The following CNKSR3 variants were observed in gnomAD, a reference collection of about 807,000 sequenced individuals.
CNKSR3 encodes connector enhancer of kinase suppressor of ras 3.
A neutral mutation model predicts 67.7 loss-of-function variants in CNKSR3; 36 were observed. The observed-to-expected ratio is 0.53, with a 90% CI of 0.41 to 0.70. The LOEUF (loss-of-function observed/expected upper bound fraction) is 0.70. Among genes scored for constraint, CNKSR3 ranks in the 30% least tolerant of loss-of-function variants. The pLI is 0.00. For synonymous variants in CNKSR3, 281 were observed against 271.4 expected (o/e 1.04, Z -0.35); for missense variants, 630 against 695.2 (o/e 0.91, Z 1.05).
intron 4 of CNKSR3, among the ~76,000 whole-genome samples, chr6:154,440,394 C>G (rs1285687420): frequency 6.6e-6 from 1 of 152,200 alleles, no homozygotes; most frequent in East Asian, 1.9e-4. Flanking sequence ...AAACAACAAG[C>G]TCTTCCTTAC....
intron 1 of CNKSR3, among the ~76,000 whole-genome samples, chr6:154,486,222 C>T (rs1582897508): frequency 6.6e-6 from 1 of 152,064 alleles, no homozygotes. Flanking sequence ...CATTTAAGAA[C>T]TCACTTACCA....
intron 2 of CNKSR3, among the ~76,000 whole-genome samples, chr6:154,449,870 C>T (rs1785785497): frequency 6.6e-6 from 1 of 152,140 alleles, no homozygotes; most frequent in South Asian, 2.1e-4. Context: ...ACTTTATTTA[C>T]AAAAATAGAT....
At chr6:154,485,178 C>T (rs957452113) in intron 1 of CNKSR3, among the ~76,000 whole-genome samples, 1 of 152,196 alleles carries the variant, frequency 6.6e-6, no homozygotes, top group African/African-American at 2.4e-5. Context: ...TCACATCTCC[C>T]TACACAGAGT....
At position 154,397,850 on chromosome 6, in the gene CNKSR3, G is replaced by A. The variant is rs542339645; in HGVS notation, c.*8504C>T. Reference sequence around the variant, plus strand: ...GGAAGATGAGTAAAAGCAAATCTGCGGCCATCACTAGGTGCACAGTGCAGT... The same window carrying A: ...GGAAGATGAGTAAAAGCAAATCTGCAGCCATCACTAGGTGCACAGTGCAGT... On this transcript the variant is annotated 3_prime_UTR_variant, in exon 13 of 13. Transcript: ENST00000607772. 56 of 152,280 alleles carry A rather than the reference G, an allele frequency of 3.7e-4. No homozygotes were observed. The highest frequency in any genetic ancestry group is 1.3e-3 in the African/African-American group (55 of 41,504). The allele number at this position is 152,280 out of a possible 1,614,324, so 9.4% of individuals were successfully genotyped here.
intron 9 of CNKSR3, among the ~76,000 whole-genome samples, chr6:154,420,008 G>A (rs1372234739): frequency 6.6e-6 from 1 of 152,248 alleles, no homozygotes; most frequent in East Asian, 1.9e-4. Flanking sequence ...CTTGAACCTG[G>A]GAGGTGGAGG....
At chr6:154,481,081 C>A (rs2114638822) in intron 1 of CNKSR3, among the ~76,000 whole-genome samples, 1 of 150,452 alleles carries the variant, frequency 6.6e-6, no homozygotes, top group African/African-American at 2.4e-5. Flanking sequence ...CAGTCTTATG[C>A]TTATTCGATA....
At chr6:154,478,929 A>G (rs1335974917) in intron 1 of CNKSR3, among the ~76,000 whole-genome samples, 2 of 152,226 alleles carry the variant, frequency 1.3e-5, no homozygotes, top group Non-Finnish European at 2.9e-5. Context: ...GCTGGCCACA[A>G]TGAAAGCAGC....
At chr6:154,501,709 G>A (rs1786998951) in intron 1 of CNKSR3, among the ~76,000 whole-genome samples, 1 of 152,002 alleles carries the variant, frequency 6.6e-6, no homozygotes, top group Admixed American at 6.6e-5. Flanking sequence ...TCACCTCTCT[G>A]CTTTATTTTC....
At chr6:154,507,211 AT>A (rs1230747179) in intron 1 of CNKSR3, among the ~76,000 whole-genome samples, 1 of 152,250 alleles carries the variant, frequency 6.6e-6, no homozygotes, top group African/African-American at 2.4e-5. Context: ...GTAGCTAAAC[AT>A]TAATAATAAA....
chr6:154,510,587 A>C lies in CNKSR3; in HGVS notation c.-473T>G, dbSNP rs1582912981. 4 of 170,048 alleles carry C rather than the reference A, an allele frequency of 2.4e-5. No individual in the cohort carries two copies. Among genetic ancestry groups the C allele is most frequent in the Non-Finnish European group, 5.0e-5 (4 of 80,470 alleles). The allele number at this position is 170,048 out of a possible 1,614,324, so 10.5% of individuals were successfully genotyped here. A position where few individuals can be genotyped will look rare whatever the true frequency, so the allele number is the denominator to read the frequency against. On this transcript the variant is annotated 5_prime_UTR_variant, in exon 1 of 13. Coordinates refer to ENST00000607772, the MANE Select transcript of CNKSR3 (RefSeq NM_173515.4). The stretch of plus-strand genomic sequence containing the variant: ...CCGGAGCCTTCCCGGCGCAGGTCCC[A>C]CCTCCTGCGCCGCCCTCCCGTGCCG...
At chr6:154,462,798 C>T (rs765616802) in intron 1 of CNKSR3, among the ~76,000 whole-genome samples, 5 of 152,216 alleles carry the variant, frequency 3.3e-5, no homozygotes, top group Non-Finnish European at 7.3e-5. Context: ...CCTTCACAAG[C>T]CTTTCCAAAC....
At chr6:154,418,658 T>C (rs145542303) in intron 9 of CNKSR3, among the ~76,000 whole-genome samples, 52 of 152,274 alleles carry the variant, frequency 3.4e-4, no homozygotes, top group African/African-American at 1.2e-3. Flanking sequence ...AGCATCATAT[T>C]CTGAGAAATC....
intron 12 of CNKSR3, among the ~76,000 whole-genome samples, chr6:154,406,994 C>T (rs1784808042): frequency 1.3e-5 from 2 of 151,618 alleles, no homozygotes; most frequent in South Asian, 4.2e-4. Context: ...CTACACAGTG[C>T]TCTTTGGAGG....
At chr6:154,486,289 C>CTTT (rs1480566559) in intron 1 of CNKSR3, among the ~76,000 whole-genome samples, 46 of 149,958 alleles carry the variant, frequency 3.1e-4, no homozygotes, top group African/African-American at 1.0e-3. Context: ...TTTTCTCTCT[C>CTTT]TCTCTTTTTC....
intron 1 of CNKSR3, among the ~76,000 whole-genome samples, chr6:154,457,286 C>A (rs1390283978): frequency 6.6e-6 from 1 of 152,156 alleles, no homozygotes; most frequent in Non-Finnish European, 1.5e-5. Context: ...TGAGATGAGT[C>A]ACCCAGTTAC....
intron 1 of CNKSR3, among the ~76,000 whole-genome samples, chr6:154,473,007 G>A (rs570157362): frequency 6.6e-6 from 1 of 152,262 alleles, no homozygotes; most frequent in Admixed American, 6.5e-5. Flanking sequence ...AGTTGGTGAT[G>A]AAGGAAGGAA....
At chr6:154,433,156 C>T (rs901286770) in intron 5 of CNKSR3, among the ~76,000 whole-genome samples, 2 of 152,064 alleles carry the variant, frequency 1.3e-5, no homozygotes, top group Non-Finnish European at 2.9e-5. Flanking sequence ...GTGAAATTTG[C>T]ACATCAGTTC....
chr6:154,434,725 AT>A (rs1362041650), intron 4 of CNKSR3, among the ~76,000 whole-genome samples: 2 of 152,202 alleles, frequency 1.3e-5, no homozygotes, highest in Non-Finnish European at 2.9e-5. Flanking sequence ...TTAGAAATGT[AT>A]TTTTACATGT....
chr6:154,454,691 T>A (rs1785914232), intron 1 of CNKSR3, among the ~76,000 whole-genome samples: 1 of 151,802 alleles, frequency 6.6e-6, no homozygotes, highest in African/African-American at 2.4e-5. Flanking sequence ...CCAACTAATT[T>A]TTCATTTTTT....
Sources: allele counts gnomAD v4.1 joint callset (sites outside exome capture counted in the v4.1 genomes callset), GRCh38; gene constraint gnomAD v4.1.1; transcripts MANE v1.5; gene names NCBI Gene and HGNC (gene_info 2026-07-23, HGNC 2026-07-21).